RBM38: variants seen among roughly 807,000 people sequenced by gnomAD.
The protein encoded by RBM38 is RNA binding motif protein 38, also known as RNA-binding protein 38.
Under a neutral mutation model 23.5 loss-of-function variants are expected in RBM38, and 11 were observed. That is an observed-to-expected ratio of 0.47 (90% CI 0.29 to 0.77). The LOEUF (loss-of-function observed/expected upper bound fraction) is 0.77, where lower values mean the gene tolerates loss of function less well. Ranked by LOEUF, RBM38 falls within the 30% of genes least tolerant of loss-of-function variation. The pLI, the probability that RBM38 is intolerant of heterozygous loss-of-function variation, is 0.08. For synonymous variants in RBM38, 165 were observed against 166.1 expected (o/e 0.99, Z 0.05); for missense variants, 330 against 351.9 (o/e 0.94, Z 0.50).
chr20:57,398,546 C>T (rs1389667269), intron 3 of RBM38, among the ~76,000 whole-genome samples: 1 of 144,668 alleles, frequency 6.9e-6, no homozygotes, highest in African/African-American at 2.9e-5. Flanking sequence ...GGCCCCGCCG[C>T]CCCCCTGCCC....
At chr20:57,397,428 G>A (rs2067285231) in intron 3 of RBM38, among the ~76,000 whole-genome samples, 1 of 152,220 alleles carries the variant, frequency 6.6e-6, no homozygotes, top group South Asian at 2.1e-4. Context: ...CAGAGCACAA[G>A]GCCTCGAGAC....
intron 3 of RBM38, among the ~76,000 whole-genome samples, chr20:57,400,163 T>G (rs1244473903): frequency 6.6e-6 from 1 of 152,086 alleles, no homozygotes; most frequent in East Asian, 1.9e-4. Flanking sequence ...CCGGAGGGGC[T>G]GAGTGATGGT....
intron 2 of RBM38, 64 bp from the exon 3 acceptor site, chr20:57,393,215 T>C: frequency 1.4e-6 from 2 of 1,477,980 alleles, no homozygotes; most frequent in Non-Finnish European, 9.5e-7. Context: ...TGCCACCCTG[T>C]GTGCAGCCCT....
At chr20:57,393,409 G>C in intron 3 of RBM38, 76 bp downstream of exon 3, 1 of 1,430,768 alleles carries the variant, frequency 7.0e-7, no homozygotes. Context: ...TCCTGGGTCT[G>C]GAAGGCTGGG....
At chr20:57,404,852 C>T (rs948958976) in intron 3 of RBM38, among the ~76,000 whole-genome samples, 1 of 152,232 alleles carries the variant, frequency 6.6e-6, no homozygotes, top group African/African-American at 2.4e-5. Flanking sequence ...GTGCCAGGCC[C>T]AGGTGGGGAG....
Position 57,407,472 on chromosome 20 carries a change from T to TAC in RBM38, c.417-70_417-69dup. 6.6e-7 allele frequency: 1 copy of TAC among 1,515,914 alleles called. No individual in the cohort carries two copies. The allele number at this position is 1,515,914 out of a possible 1,614,324, so 93.9% of individuals were successfully genotyped here. ...GGGGTGGGGGGCGGCACGCATCGTGTACCCCACTGTTCTCCCAGCTGTATT... is the reference window on the plus strand; with the variant it reads ...GGGGTGGGGGGCGGCACGCATCGTGTACACCCCACTGTTCTCCCAGCTGTATT... On this transcript the variant is annotated intron_variant, in intron 3 of 3. Transcript: ENST00000356208. The surrounding 1 kb of genome is among the most constrained non-coding windows in gnomAD (Gnocchi z 4.0).
In RBM38 at chr20:57,392,929, CT is replaced by C. The variant is rs2067236157; in HGVS notation, c.361+153del. ...GCCGGCACAGGGCAGCCATCCCCCC[CT>C]CGAGGATCTAGACCCCTTCTCACAG... On this transcript the variant is annotated intron_variant, in intron 2 of 3. Transcript: ENST00000356208. 4 of 1,055,692 alleles carry C rather than the reference CT, an allele frequency of 3.8e-6. No homozygotes were observed. The East Asian group carries it at 1.0e-4, about 27-fold the overall frequency. 65.4% of individuals were successfully genotyped at this position (1,055,692 alleles called of 1,614,324 possible).
chr20:57,404,043 G>A (rs761140149), intron 3 of RBM38, among the ~76,000 whole-genome samples: 2 of 152,228 alleles, frequency 1.3e-5, no homozygotes, highest in African/African-American at 4.8e-5. Flanking sequence ...TTCCTCCCCA[G>A]CCTAAACATT....
intron 1 of RBM38, chr20:57,392,207 A>G (rs1237680175): frequency 6.0e-6 from 2 of 334,482 alleles, no homozygotes; most frequent in Admixed American, 8.5e-5. Flanking sequence ...CCATATTTTT[A>G]ACAGCCCTCT....
At chr20:57,392,448 G>C (rs1048304692) in intron 1 of RBM38, 1 of 1,531,550 alleles carries the variant, frequency 6.5e-7, no homozygotes, top group East Asian at 2.5e-5. Flanking sequence ...GAACTTTGAC[G>C]GGAGGAGCTG....
At chr20:57,401,114 C>G (rs150126852) in intron 3 of RBM38, among the ~76,000 whole-genome samples, 264 of 152,346 alleles carry the variant, frequency 1.7e-3, no homozygotes, top group African/African-American at 6.1e-3. Context: ...ACCAAGGGTT[C>G]TTGGCTGCTG....
intron 3 of RBM38, among the ~76,000 whole-genome samples, chr20:57,402,556 TTGG>T (rs1415213393): frequency 6.6e-6 from 1 of 152,144 alleles, no homozygotes; most frequent in Non-Finnish European, 1.5e-5. Flanking sequence ...GGGGACACAC[TTGG>T]TGGGTGGGGC....
At chr20:57,402,043 G>C (rs940679326) in intron 3 of RBM38, among the ~76,000 whole-genome samples, 3 of 152,148 alleles carry the variant, frequency 2.0e-5, no homozygotes, top group African/African-American at 7.2e-5. Context: ...CGCCTCCCGG[G>C]TTCAAGCCAT....
At chr20:57,402,177 C>T (rs1043269625) in intron 3 of RBM38, among the ~76,000 whole-genome samples, 5 of 152,096 alleles carry the variant, frequency 3.3e-5, no homozygotes, top group Non-Finnish European at 7.4e-5. Flanking sequence ...AATCTCCTGA[C>T]CTCATGATCC....
chr20:57,394,251 G>A (rs376138123), intron 3 of RBM38, among the ~76,000 whole-genome samples: 3 of 151,656 alleles, frequency 2.0e-5, no homozygotes, highest in African/African-American at 7.3e-5. Flanking sequence ...GAGAGACACA[G>A]CTTGAGGAGT....
chr20:57,407,602 C>T lies in RBM38; in HGVS notation c.476C>T (p.Ala159Val), dbSNP rs750809274. The T allele has an allele frequency of 4.3e-6, 7 of 1,613,630 alleles. No homozygotes were observed. Among genetic ancestry groups the T allele is most frequent in the East Asian group, 4.5e-5 (2 of 44,898 alleles). The change falls in exon 4 of 4, where the codon GCC becomes GTC. Residue 159 changes from alanine (A) to valine (V), a missense_variant. By Grantham distance (64) the Ala-to-Val change is moderately conservative. Around this residue, in one of 3 missense-constraint regions of RBM38, gnomAD observed 227 missense variants for 216.4 expected, o/e 1.05. Coordinates refer to ENST00000356208, the MANE Select transcript of RBM38 (RefSeq NM_017495.6). The surrounding 1 kb of genome is among the most constrained non-coding windows in gnomAD (Gnocchi z 4.0). ...GTGCAGCCCAGCGTGGTGATCCCAG[C>T]CGCCCCTGTCCCGTCGCTGTCCTCG... ...AIVQPSVVIPAAPVPSLSSPY... is the reference protein window; with the variant it reads ...AIVQPSVVIPVAPVPSLSSPY...
intron 3 of RBM38, among the ~76,000 whole-genome samples, chr20:57,396,626 GC>G (rs1234623977): frequency 2.0e-5 from 3 of 152,216 alleles, no homozygotes; most frequent in Non-Finnish European, 4.4e-5. Context: ...TTCACAGAGT[GC>G]CTCATATGTA....
rs747721670 is a variant in RBM38, at chr20:57,407,674, C to T, written c.548C>T (p.Pro183Leu). The T allele has an allele frequency of 2.4e-5, 39 of 1,612,720 alleles. No individual in the cohort carries two copies. Among genetic ancestry groups the T allele is most frequent in the Admixed American group, 5.0e-5 (3 of 60,004 alleles). Residue 183 changes from proline to leucine, a missense_variant, in exon 4 of 4, where the codon CCA becomes CTA. Physicochemically the swap from Pro to Leu is moderately conservative, Grantham distance 98. Around this residue, in one of 3 missense-constraint regions of RBM38, gnomAD observed 227 missense variants for 216.4 expected, o/e 1.05. Transcript: ENST00000356208. The surrounding 1 kb of genome is among the most constrained non-coding windows in gnomAD (Gnocchi z 4.0). ...GCCAGCCCGGCCTACGCCCAGTACC[C>T]ACCGGCCACCTATGACCAGTACCCA... ...TPASPAYAQY[P>L]PATYDQYPYA...
intron 3 of RBM38, among the ~76,000 whole-genome samples, chr20:57,401,947 T>C (rs1385007782): frequency 1.3e-5 from 2 of 151,906 alleles, no homozygotes; most frequent in Non-Finnish European, 2.9e-5. Context: ...GGTGTTGATG[T>C]TTTCGTTTGT....
Sources: gnomAD v4.1 joint callset for allele counts (sites outside exome capture counted in the v4.1 genomes callset) on GRCh38, gnomAD v4.1.1 for gene constraint, gnomAD v4.1.1 regional missense constraint, Gnocchi (gnomAD v3.1) non-coding constraint, MANE v1.5 for transcripts, NCBI Gene and HGNC (gene_info 2026-07-23, HGNC 2026-07-21) for gene names.